The following PRKCZ variants were observed in gnomAD, a reference collection of about 807,000 sequenced individuals.
PRKCZ encodes the protein protein kinase C zeta, also known as protein kinase C zeta type.
Under a neutral mutation model 79.5 loss-of-function variants are expected in PRKCZ, and 33 were observed. That is an observed-to-expected ratio of 0.41 (90% CI 0.31 to 0.55). The LOEUF (loss-of-function observed/expected upper bound fraction) is 0.55. PRKCZ is among the 20% of genes least tolerant of loss of function. The pLI is 0.19. For synonymous variants in PRKCZ, 342 were observed against 320.9 expected (o/e 1.07, Z -0.70); for missense variants, 578 against 813.5 (o/e 0.71, Z 3.52).
At chr1:2,146,782 A>C (rs1295886554) in intron 7 of PRKCZ, among the ~76,000 whole-genome samples, 1 of 152,192 alleles carries the variant, frequency 6.6e-6, no homozygotes, top group African/African-American at 2.4e-5. Flanking sequence ...TAAAGCACTT[A>C]GTTCACACAG....
At chr1:2,052,955 G>A (rs149015200) in intron 1 of PRKCZ, among the ~76,000 whole-genome samples, 228 of 152,168 alleles carry the variant, frequency 1.5e-3, no homozygotes, top group African/African-American at 5.2e-3. Flanking sequence ...TCCAATCCTC[G>A]CCACCCCACC....
At chr1:2,073,107 A>G (rs1661761834) in intron 4 of PRKCZ, among the ~76,000 whole-genome samples, 2 of 151,916 alleles carry the variant, frequency 1.3e-5, no homozygotes, top group African/African-American at 2.4e-5. Context: ...CGGGCTGGCC[A>G]CAGCCAGGCA....
intron 4 of PRKCZ, among the ~76,000 whole-genome samples, chr1:2,115,880 A>C (rs909150202): frequency 6.6e-6 from 1 of 152,144 alleles, no homozygotes; most frequent in African/African-American, 2.4e-5. Flanking sequence ...AGACCATGTC[A>C]TTGAGGGCTT....
intron 7 of PRKCZ, among the ~76,000 whole-genome samples, chr1:2,147,135 A>T (rs1023343031): frequency 6.7e-6 from 1 of 149,428 alleles, no homozygotes; most frequent in Non-Finnish European, 1.5e-5. Context: ...CTATCCATCT[A>T]TTGTCCACTG....
At chr1:2,154,179 G>A (rs1186255098) in intron 9 of PRKCZ, among the ~76,000 whole-genome samples, 3 of 152,228 alleles carry the variant, frequency 2.0e-5, no homozygotes, top group Non-Finnish European at 4.4e-5. Context: ...GACCCACTAG[G>A]TCTTCAGCCA....
chr1:2,147,136 T>C (rs1447959626), intron 7 of PRKCZ, among the ~76,000 whole-genome samples: 1 of 152,132 alleles, frequency 6.6e-6, no homozygotes, highest in Non-Finnish European at 1.5e-5. Flanking sequence ...TATCCATCTA[T>C]TGTCCACTGA....
At chr1:2,156,327 C>A in intron 10 of PRKCZ, 1 of 423,440 alleles carries the variant, frequency 2.4e-6, no homozygotes, top group Non-Finnish European at 4.5e-6. Context: ...GGAGGTATCC[C>A]ACTGAGTGCA....
chr1:2,124,417 G>GGTCACGGTGGTGGTTAGA (rs1557628556), intron 4 of PRKCZ, among the ~76,000 whole-genome samples: 3 of 55,092 alleles, frequency 5.4e-5, no homozygotes, highest in African/African-American at 2.0e-4. Flanking sequence ...TGGTGGTTAG[G>GGTCACGGTGGTGGTTAGA]GTCACAGGGT....
chr1:2,164,713 A>G (rs1421314352), intron 10 of PRKCZ, among the ~76,000 whole-genome samples: 3 of 151,914 alleles, frequency 2.0e-5, no homozygotes, highest in African/African-American at 7.3e-5. Context: ...AATTTTCCTA[A>G]TTTTTCAATT....
chr1:2,171,215 C>T (rs1046998257), intron 11 of PRKCZ, among the ~76,000 whole-genome samples: 7 of 151,088 alleles, frequency 4.6e-5, no homozygotes, highest in Non-Finnish European at 8.8e-5. Flanking sequence ...TGGTGGCGGG[C>T]GCCTGTAGTC....
At chr1:2,158,430 C>T (rs1681543592) in intron 10 of PRKCZ, among the ~76,000 whole-genome samples, 1 of 152,268 alleles carries the variant, frequency 6.6e-6, no homozygotes, top group African/African-American at 2.4e-5. Context: ...GCGCCCTCGC[C>T]CGCACCGCCT....
chr1:2,174,869 T>A lies in PRKCZ; in HGVS notation c.1485+36T>A, dbSNP rs1344108548. ...GGCCATGCTGACAAAATCTCGTTTG[T>A]GGCCTCGGTGTTGGTGGGCAGAGGG... On this transcript the variant is annotated intron_variant, in intron 15 of 17. Coordinates refer to ENST00000378567, the MANE Select transcript of PRKCZ (RefSeq NM_002744.6). The surrounding 1 kb of genome is among the most constrained non-coding windows in gnomAD (Gnocchi z 6.2). 3.7e-6 allele frequency: 6 copies of A among 1,600,238 alleles called. No homozygotes were observed. The highest frequency in any genetic ancestry group is 5.1e-6 in the Non-Finnish European group (6 of 1,167,702).
rs530234291 is a variant in PRKCZ at position 2,126,149 on chromosome 1, C to T, written c.335-9113C>T. 3.9e-5 allele frequency among the ~76,000 whole-genome samples: 6 copies of T among 152,218 alleles called. No homozygotes were observed. In the South Asian group the frequency reaches 6.2e-4, roughly 16 times the overall value. On this transcript the variant is annotated intron_variant, in intron 4 of 17. Transcript: ENST00000378567. Reference sequence around the variant, plus strand: ...GTGTTCCCGTCACGTCTCCTCCCCCCGCCTGCACCAGGCACCAGAGACCCG... The same window carrying T: ...GTGTTCCCGTCACGTCTCCTCCCCCTGCCTGCACCAGGCACCAGAGACCCG...
intron 4 of PRKCZ, among the ~76,000 whole-genome samples, chr1:2,081,844 C>A (rs1392705027): frequency 6.6e-6 from 1 of 151,604 alleles, no homozygotes; most frequent in African/African-American, 2.4e-5. Context: ...GCATCCCCTT[C>A]CTGCTGCCCT....
chr1:2,072,384 C>T (rs116385370), intron 4 of PRKCZ, among the ~76,000 whole-genome samples: 2 of 152,298 alleles, frequency 1.3e-5, no homozygotes, highest in East Asian at 3.9e-4. Context: ...TTGAGAAGGT[C>T]GTTTATTACT....
intron 4 of PRKCZ, among the ~76,000 whole-genome samples, chr1:2,089,179 T>C (rs1665047483): frequency 6.6e-6 from 1 of 152,092 alleles, no homozygotes; most frequent in Non-Finnish European, 1.5e-5. Context: ...TTAGAACTCA[T>C]TTCCCTGTTC....
At chr1:2,162,986 G>A (rs1571926251) in intron 10 of PRKCZ, among the ~76,000 whole-genome samples, 3 of 152,096 alleles carry the variant, frequency 2.0e-5, no homozygotes, top group Admixed American at 2.0e-4. Context: ...GTGGTTTTCT[G>A]GGGCTTTGGA....
At chr1:2,092,372 G>C (rs952246294) in intron 4 of PRKCZ, among the ~76,000 whole-genome samples, 1 of 152,174 alleles carries the variant, frequency 6.6e-6, no homozygotes, top group Non-Finnish European at 1.5e-5. Flanking sequence ...CCCGCCTCAG[G>C]GTGCCCAGAG....
chr1:2,131,329 G>T (rs1235269341), intron 4 of PRKCZ, among the ~76,000 whole-genome samples: 11 of 152,148 alleles, frequency 7.2e-5, no homozygotes, highest in Non-Finnish European at 1.0e-4. Flanking sequence ...TGAAGGCCGG[G>T]CACAGTGGCT....
Sources: gnomAD v4.1 joint callset for allele counts (sites outside exome capture counted in the v4.1 genomes callset) on GRCh38, gnomAD v4.1.1 for gene constraint, Gnocchi (gnomAD v3.1) non-coding constraint, MANE v1.5 for transcripts, NCBI Gene and HGNC (gene_info 2026-07-23, HGNC 2026-07-21) for gene names.